GRM1: variants seen among roughly 807,000 people sequenced by gnomAD.
The protein encoded by GRM1 is glutamate metabotropic receptor 1, also known as metabotropic glutamate receptor 1.
In GRM1, 33 loss-of-function variants were observed where a neutral mutation model predicts 90.9. The ratio of observed to expected loss-of-function variants is 0.36; its 90% CI spans 0.28 to 0.49. The LOEUF (loss-of-function observed/expected upper bound fraction) is 0.49. Ranked by LOEUF, GRM1 falls within the 20% of genes least tolerant of loss-of-function variation. The probability of loss-of-function intolerance (pLI) is 0.99; values close to 1 mark genes in which losing one functional copy is unlikely to be tolerated. For missense variants in GRM1, 1,190 were observed against 1,534.3 expected (o/e 0.78, Z 3.75); for synonymous variants, 700 against 613.2 (o/e 1.14, Z -2.09).
intron 1 of GRM1, among the ~76,000 whole-genome samples, chr6:146,039,844 G>A (rs187301010): frequency 8.2e-4 from 125 of 152,070 alleles, no homozygotes; most frequent in Middle Eastern, 3.4e-3. Context: ...AGAATAAGCC[G>A]CAGGTCTATT....
intron 2 of GRM1, among the ~76,000 whole-genome samples, chr6:146,243,063 A>G (rs1241340737): frequency 6.6e-6 from 1 of 152,128 alleles, no homozygotes; most frequent in African/African-American, 2.4e-5. Context: ...GGCAGCAGCA[A>G]CAAACCTTTC....
At chr6:146,387,339 A>T (rs1230905866) in intron 6 of GRM1, among the ~76,000 whole-genome samples, 1 of 152,026 alleles carries the variant, frequency 6.6e-6, no homozygotes, top group Admixed American at 6.6e-5. Flanking sequence ...TTTCTTGAAC[A>T]TCTACTATGG....
intron 1 of GRM1, among the ~76,000 whole-genome samples, chr6:146,110,348 A>G (rs867143819): frequency 3.7e-4 from 57 of 152,230 alleles, no homozygotes; most frequent in Middle Eastern, 6.8e-3. Context: ...CATAGTTTTA[A>G]AAATGGGAGT....
intron 1 of GRM1, among the ~76,000 whole-genome samples, chr6:146,115,255 T>C (rs904121011): frequency 1.5e-4 from 22 of 151,590 alleles, no homozygotes; most frequent in Non-Finnish European, 4.4e-5. Flanking sequence ...CACATATATA[T>C]ACATATACTA....
intron 1 of GRM1, among the ~76,000 whole-genome samples, chr6:146,101,922 CTT>C (rs1777065958): frequency 6.6e-6 from 1 of 151,380 alleles, no homozygotes; most frequent in Admixed American, 6.6e-5. Context: ...TACTGAGTAT[CTT>C]TTGTGGGGCA....
intron 2 of GRM1, among the ~76,000 whole-genome samples, chr6:146,193,047 C>T (rs973773909): frequency 6.6e-6 from 1 of 151,988 alleles, no homozygotes; most frequent in Non-Finnish European, 1.5e-5. Flanking sequence ...TTTGTTGTAC[C>T]AAGCGACTGG....
At chr6:146,301,799 A>G (rs1410274478) in intron 2 of GRM1, among the ~76,000 whole-genome samples, 1 of 152,210 alleles carries the variant, frequency 6.6e-6, no homozygotes, top group Non-Finnish European at 1.5e-5. Context: ...AAATGTAAAT[A>G]AACCGGTTTG....
At chr6:146,260,613 A>G (rs143654722) in intron 2 of GRM1, among the ~76,000 whole-genome samples, 25 of 152,158 alleles carry the variant, frequency 1.6e-4, no homozygotes, top group African/African-American at 5.3e-4. Context: ...TTACACTCCT[A>G]CCAACAGTGT....
chr6:146,352,696 T>G (rs754539767), intron 4 of GRM1, among the ~76,000 whole-genome samples, 200 bp downstream of exon 4: 1 of 152,144 alleles, frequency 6.6e-6, no homozygotes, highest in Admixed American at 6.6e-5. Context: ...TACTTCTTTT[T>G]CAACACCCAA....
intron 1 of GRM1, among the ~76,000 whole-genome samples, chr6:146,088,075 G>A (rs1776603944): frequency 1.3e-5 from 2 of 152,058 alleles, no homozygotes; most frequent in South Asian, 2.1e-4. Flanking sequence ...TGAATGATAC[G>A]TTTTCTCTAC....
At chr6:146,124,964 A>C (rs1776143333) in intron 1 of GRM1, among the ~76,000 whole-genome samples, 1 of 152,198 alleles carries the variant, frequency 6.6e-6, no homozygotes, top group Non-Finnish European at 1.5e-5. Context: ...GATGTGACTA[A>C]AAACTGTGTT....
chr6:146,400,648 T>G (rs966068509), intron 7 of GRM1, among the ~76,000 whole-genome samples: 1 of 152,190 alleles, frequency 6.6e-6, no homozygotes, highest in African/African-American at 2.4e-5. Context: ...AAATTTCATG[T>G]AACGTTTTTT....
At chr6:146,075,022 T>C (rs907953350) in intron 1 of GRM1, among the ~76,000 whole-genome samples, 1 of 152,204 alleles carries the variant, frequency 6.6e-6, no homozygotes, top group Non-Finnish European at 1.5e-5. Context: ...TGAATGAGGA[T>C]CAATTTTCCA....
intron 1 of GRM1, among the ~76,000 whole-genome samples, chr6:146,058,621 A>G (rs1346816744): frequency 1.3e-5 from 2 of 152,144 alleles, no homozygotes; most frequent in Non-Finnish European, 2.9e-5. Context: ...AGTTTGCCAC[A>G]TCAATTGATT....
chr6:146,173,541 G>A (rs1392159361), intron 2 of GRM1, among the ~76,000 whole-genome samples: 2 of 151,758 alleles, frequency 1.3e-5, no homozygotes, highest in African/African-American at 4.8e-5. Flanking sequence ...AAATAATTAA[G>A]AGCCACTGCC....
At chr6:146,120,019 A>T (rs552266903) in intron 1 of GRM1, among the ~76,000 whole-genome samples, 1 of 152,292 alleles carries the variant, frequency 6.6e-6, no homozygotes, top group Non-Finnish European at 1.5e-5. Flanking sequence ...TGAATCTATA[A>T]ATTACCTTGA....
chr6:146,185,563 T>C lies in GRM1; in HGVS notation c.950+25966T>C, dbSNP rs560661624. On this transcript the variant is annotated intron_variant, in intron 2 of 7. Coordinates refer to ENST00000282753, the MANE Select transcript of GRM1 (RefSeq NM_001278064.2). ...TTTCAGGCCTGGGCAGCTTTCCACA[T>C]CCACTTTCTGCTTACAGATGACTGA... Among the ~76,000 whole-genome samples, 3 of 152,334 alleles carry C rather than the reference T, an allele frequency of 2.0e-5. No individual in the cohort carries two copies. In the East Asian group the frequency reaches 5.8e-4, roughly 29 times the overall value.
chr6:146,084,369 C>A (rs1336949781), intron 1 of GRM1, among the ~76,000 whole-genome samples: 1 of 152,018 alleles, frequency 6.6e-6, no homozygotes, highest in Non-Finnish European at 1.5e-5. Flanking sequence ...CTGATGCGGG[C>A]ATTGAGTGCC....
rs1350158760 is a variant in GRM1 at position 146,435,650 on chromosome 6, G to GTTCC, written c.*855_*858dup. ...AAAAAACACATGATCAGCTTCTCAT[G>GTTCC]TTCCATATTCACTTATTGGCGATTT... is the stretch of plus-strand genomic sequence containing the variant. On this transcript the variant is annotated 3_prime_UTR_variant, in exon 8 of 8. Coordinates refer to ENST00000282753, the MANE Select transcript of GRM1 (RefSeq NM_001278064.2). 6.6e-6 allele frequency: 1 copy of GTTCC among 152,604 alleles called. No individual in the cohort carries two copies. The highest frequency in any genetic ancestry group is 2.4e-5 in the African/African-American group (1 of 41,434). The allele number at this position is 152,604 out of a possible 1,614,324, so 9.5% of individuals were successfully genotyped here. A position where few individuals can be genotyped will look rare whatever the true frequency, so the allele number is the denominator to read the frequency against.
Sources: allele counts gnomAD v4.1 joint callset (sites outside exome capture counted in the v4.1 genomes callset), GRCh38; gene constraint gnomAD v4.1.1; transcripts MANE v1.5; gene names NCBI Gene and HGNC (gene_info 2026-07-23, HGNC 2026-07-21).